LIPE: variants seen among roughly 807,000 people sequenced by gnomAD.
LIPE encodes lipase E, hormone sensitive type, also known as hormone-sensitive lipase.
LIPE carries 66 observed loss-of-function variants against 88.5 expected under a neutral mutation model. The ratio of observed to expected loss-of-function variants is 0.75; its 90% CI spans 0.61 to 0.91. The LOEUF is 0.91. LIPE is among the 40% of genes least tolerant of loss of function. LIPE has a pLI of 0.00. For synonymous variants in LIPE, 570 were observed against 617.5 expected (o/e 0.92, Z 1.14); for missense variants, 1,346 against 1,434.7 (o/e 0.94, Z 1.00).
chr19:42,405,957 GTCTGTC>G (rs1268155929), intron 7 of LIPE, 198 bp downstream of exon 7: 1 of 579,972 alleles, frequency 1.7e-6, no homozygotes, highest in East Asian at 2.8e-5. Flanking sequence ...CCTTGTGTCT[GTCTGTC>G]TCTCTCTCTC....
intron 1 of LIPE, chr19:42,424,817 C>T (rs1200298292): frequency 5.6e-6 from 2 of 355,430 alleles, no homozygotes; most frequent in Non-Finnish European, 5.6e-6. Flanking sequence ...GGTTTTGAGC[C>T]TAGAGAAGGA....
Position 42,408,235 on chromosome 19 carries a change from G to GGCC in LIPE, c.1504_1506dup (p.Gly502dup), listed in dbSNP as rs1407794080. 1 of 1,613,938 alleles carries GGCC rather than the reference G, an allele frequency of 6.2e-7. No homozygotes were observed. The highest frequency in any genetic ancestry group is 8.5e-7 in the Non-Finnish European group (1 of 1,179,970). On this transcript the variant is annotated inframe_insertion, in exon 3 of 10. Transcript: ENST00000244289. The surrounding 1 kb of genome is among the most constrained non-coding windows in gnomAD (Gnocchi z 4.3). The stretch of plus-strand genomic sequence containing the variant: ...GTAGAACCTGGCTGGGACTCACTGA[G>GGCC]GCCTGTCTCGTTGCGTTTGTAGTGC...
intron 1 of LIPE, among the ~76,000 whole-genome samples, chr19:42,425,972 T>C (rs976432067): frequency 6.6e-6 from 1 of 152,038 alleles, no homozygotes; most frequent in Admixed American, 6.6e-5. Context: ...TGGCTAATTT[T>C]TGTATTTTTA....
At position 42,402,709 on chromosome 19, in the gene LIPE, T is replaced by C. The variant is rs1435052461; in HGVS notation, c.2865A>G (p.Thr955=). Residue 955 remains threonine, a synonymous_variant, in exon 9 of 10, where the codon ACA becomes ACG. Transcript: ENST00000244289. ...TGGGTGAGGAGTAGAGGGGCATCTG[T>C]GTGGCACCCTGGCTGGAGCGTCGGG... ...FHPRRSSQGA[T]QMPLYSSPIV... 3 of 1,545,116 alleles carry C rather than the reference T, an allele frequency of 1.9e-6. No individual in the cohort carries two copies. The highest frequency in any genetic ancestry group is 2.6e-6 in the Non-Finnish European group (3 of 1,141,686).
In LIPE at chr19:42,410,671, A is replaced by G. The variant is rs1373903557; in HGVS notation, c.1055T>C (p.Leu352Pro). 6.2e-7 allele frequency: 1 copy of G among 1,612,028 alleles called. No homozygotes were observed. The highest frequency in any genetic ancestry group is 8.5e-7 in the Non-Finnish European group (1 of 1,178,700). The change falls in exon 2 of 10, where the codon CTG becomes CCG. Residue 352 changes from leucine (L) to proline (P), a missense_variant. Leu to Pro is a moderately conservative substitution (Grantham distance 98). Transcript: ENST00000244289. The surrounding 1 kb of genome is among the most constrained non-coding windows in gnomAD (Gnocchi z 6.1). Reference protein sequence around the residue: ...REQALGLEPALGRLLGVAHLF... With the variant: ...REQALGLEPAPGRLLGVAHLF... ...GTGCGCCACACCCAGCAGGCGGCCC[A>G]GGGCCGGCTCCAGCCCCAGCGCCTG...
intron 1 of LIPE, chr19:42,412,138 C>T (rs920754769): frequency 8.5e-6 from 3 of 352,532 alleles, no homozygotes; most frequent in Non-Finnish European, 1.2e-5. Flanking sequence ...AGTGATCTTT[C>T]CTCTGATATC....
rs1039441720 is a variant in LIPE, at chr19:42,406,924, G to A, written c.2137+250C>T. ...GGGCCTGGAGCTATCAGAGGGGGAC[G>A]ACAGAGGCCCAGGGAGACAGGACGG... On this transcript the variant is annotated intron_variant, in intron 6 of 9. Transcript: ENST00000244289. The surrounding 1 kb of genome is among the most constrained non-coding windows in gnomAD (Gnocchi z 5.7). Among the ~76,000 whole-genome samples, 3 of 152,056 alleles carry A rather than the reference G, an allele frequency of 2.0e-5. No homozygotes were observed. Among genetic ancestry groups the A allele is most frequent in the Non-Finnish European group, 1.5e-5 (1 of 67,988 alleles).
chr19:42,406,086 C>T lies in LIPE; in HGVS notation c.2365+75G>A. 1.5e-6 allele frequency: 2 copies of T among 1,342,786 alleles called. No individual in the cohort carries two copies. The highest frequency in any genetic ancestry group is 1.0e-6 in the Non-Finnish European group (1 of 964,422). The allele number at this position is 1,342,786 out of a possible 1,614,324, so 83.2% of individuals were successfully genotyped here. A position where few individuals can be genotyped will look rare whatever the true frequency, so the allele number is the denominator to read the frequency against. On this transcript the variant is annotated intron_variant, in intron 7 of 9. Transcript: ENST00000244289. The surrounding 1 kb of genome is among the most constrained non-coding windows in gnomAD (Gnocchi z 5.7). ...CTCTCCTTCCTCAGTCACAGGAGTC[C>T]TGGTCCCCAGCCCGTCCCTGCAGGA...
At position 42,423,445 on chromosome 19, in the gene LIPE, C is replaced by T. The variant is rs1338812731; in HGVS notation, c.883+2822G>A. The T allele has an allele frequency of 6.2e-6, 8 of 1,289,386 alleles. No homozygotes were observed. The Admixed American group carries it at 1.6e-4, about 26-fold the overall frequency. The allele number at this position is 1,289,386 out of a possible 1,614,324, so 79.9% of individuals were successfully genotyped here. On this transcript the variant is annotated intron_variant, in intron 1 of 9. Transcript: ENST00000244289. ...TTTGGCCTTGTCTTTTCGCCACCGCCGGCGACCGTGGCTCCTTGAGCCCTC... is the reference window on the plus strand; with the variant it reads ...TTTGGCCTTGTCTTTTCGCCACCGCTGGCGACCGTGGCTCCTTGAGCCCTC...
Position 42,401,842 on chromosome 19 carries a change from C to T in LIPE, c.3201G>A (p.Gly1067=), listed in dbSNP as rs188554466. ...GTCGCCCCCCGCAGCCCCCGTCTAC[C>T]CCCGCAGCCCCCGTCTCCCCGCTCG... ...AGPSGETGAA[G]VDGGCGGRH The change falls in exon 10 of 10, where the codon GGG becomes GGA. Residue 1067 remains glycine, a synonymous_variant. Coordinates refer to ENST00000244289, the MANE Select transcript of LIPE (RefSeq NM_005357.4). 1.5e-4 allele frequency: 228 copies of T among 1,511,176 alleles called. No individual in the cohort carries two copies. The African/African-American group carries it at 2.9e-3, about 19-fold the overall frequency. 93.6% of individuals were successfully genotyped at this position (1,511,176 alleles called of 1,614,324 possible).
rs752833621 is a variant in LIPE, at chr19:42,407,074, G to C, written c.2137+100C>G. On this transcript the variant is annotated intron_variant, in intron 6 of 9. Coordinates refer to ENST00000244289, the MANE Select transcript of LIPE (RefSeq NM_005357.4). This position sits in a 1 kb window ranked among gnomAD's most constrained non-coding sequence, Gnocchi z 5.8. ...GAGCAGGAGCTGGGAGGTGTGGGGG[G>C]AGAGAAAGGTAGAGGGTGTGAGGCT... 4.8e-6 allele frequency: 5 copies of C among 1,033,636 alleles called. No homozygotes were observed. Among genetic ancestry groups the C allele is most frequent in the Non-Finnish European group, 6.8e-6 (5 of 740,496 alleles). The allele number at this position is 1,033,636 out of a possible 1,614,324, so 64.0% of individuals were successfully genotyped here. A position where few individuals can be genotyped will look rare whatever the true frequency, so the allele number is the denominator to read the frequency against.
rs149927060 is a variant in LIPE at position 42,426,599 on chromosome 19, G to T, written c.551C>A (p.Ser184Ter). ...CTGGACTGGCGTTGTTTGCTTGTCT[G>T]ACTGTTCAGGTGTCTCTTGGGACGT... Reference protein sequence around the residue: ...ESTSQETPEQSDKQTTPVQGA... With the variant: ...ESTSQETPEQ Residue 184 changes from serine to a stop codon, truncating the protein, a stop_gained, in exon 1 of 10, where the codon TCA becomes TAA. Transcript: ENST00000244289. LOFTEE classifies it high-confidence loss of function. 301 of 1,614,230 alleles carry T rather than the reference G, an allele frequency of 1.9e-4. No homozygotes were observed. In the African/African-American group the frequency reaches 3.0e-3, roughly 16 times the overall value.
rs561100419 is a variant in LIPE, at chr19:42,414,960, G to A, written c.884-4118C>T. ...GACATACAATATTGAGGCCGGGCACGGTGGCTAATGCCTGTAATCCCAGCA... is the reference window on the plus strand; with the variant it reads ...GACATACAATATTGAGGCCGGGCACAGTGGCTAATGCCTGTAATCCCAGCA... On this transcript the variant is annotated intron_variant, in intron 1 of 9. Coordinates refer to ENST00000244289, the MANE Select transcript of LIPE (RefSeq NM_005357.4). This position sits in a 1 kb window ranked among gnomAD's most constrained non-coding sequence, Gnocchi z 4.6. Among the ~76,000 whole-genome samples, 4 of 152,172 alleles carry A rather than the reference G, an allele frequency of 2.6e-5. No individual in the cohort carries two copies. Among genetic ancestry groups the A allele is most frequent in the African/African-American group, 9.7e-5 (4 of 41,428 alleles).
rs778437861 is a variant in LIPE, at chr19:42,401,993, C to T, written c.3050G>A (p.Arg1017His). Reference protein sequence around the residue: ...LRNLGQPVTLRVVEDLPHGFL... With the variant: ...LRNLGQPVTLHVVEDLPHGFL... ...GCCGTGCGGCAGGTCCTCCACCACG[C>T]GCAGCGTCACCGGCTGGCCCAGGTT... The change falls in exon 10 of 10, where the codon CGC becomes CAC. Residue 1017 changes from arginine to histidine, a missense_variant. By Grantham distance (29) the Arg-to-His change is conservative (BLOSUM62 0). Transcript: ENST00000244289. 4 of 1,554,194 alleles carry T rather than the reference C, an allele frequency of 2.6e-6. No individual in the cohort carries two copies. The highest frequency in any genetic ancestry group is 2.7e-5 in the African/African-American group (2 of 72,848).
Position 42,407,423 on chromosome 19 carries a change from T to G in LIPE, c.1888A>C (p.Ser630Arg). 6.2e-7 allele frequency: 1 copy of G among 1,613,516 alleles called. No homozygotes were observed. The highest frequency in any genetic ancestry group is 8.5e-7 in the Non-Finnish European group (1 of 1,179,734). ...TGGGGGCGCGGCCACAGCTCCAGGC[T>G]CCGTTGGCCGTTGGACTTTATCAGG... is the stretch of plus-strand genomic sequence containing the variant. ...SSLIKSNGQR[S>R]LELWPRPQQA... Residue 630 changes from serine (S) to arginine (R), a missense_variant, in exon 6 of 10, where the codon AGC (serine) becomes CGC (arginine). Transcript: ENST00000244289. The surrounding 1 kb of genome is among the most constrained non-coding windows in gnomAD (Gnocchi z 5.8).
chr19:42,427,373 T>A lies in LIPE; in HGVS notation c.-224A>T. ...ATGAACTCTGTGCCTCTTTCTTTGGTGGGAGGATTAGGAATAGGAGGAGGC... is the reference window on the plus strand; with the variant it reads ...ATGAACTCTGTGCCTCTTTCTTTGGAGGGAGGATTAGGAATAGGAGGAGGC... On this transcript the variant is annotated 5_prime_UTR_variant, in exon 1 of 10. Transcript: ENST00000244289. 1 of 713,824 alleles carries A rather than the reference T, an allele frequency of 1.4e-6. No individual in the cohort carries two copies. Among genetic ancestry groups the A allele is most frequent in the Non-Finnish European group, 2.0e-6 (1 of 488,864 alleles). 44.2% of individuals were successfully genotyped at this position (713,824 alleles called of 1,614,324 possible). A position where few individuals can be genotyped will look rare whatever the true frequency, so the allele number is the denominator to read the frequency against.
chr19:42,417,313 G>A (rs2040507883), intron 1 of LIPE, among the ~76,000 whole-genome samples: 1 of 152,168 alleles, frequency 6.6e-6, no homozygotes, highest in Non-Finnish European at 1.5e-5. Flanking sequence ...GGGCTGGAGT[G>A]TAGTGGCACG....
chr19:42,422,003 A>G (rs934015907), intron 1 of LIPE, among the ~76,000 whole-genome samples: 1 of 152,216 alleles, frequency 6.6e-6, no homozygotes, highest in African/African-American at 2.4e-5. Context: ...AAGCGTGATT[A>G]TTATGATCTC....
At chr19:42,420,256 G>T (rs755070624) in intron 1 of LIPE, among the ~76,000 whole-genome samples, 4 of 152,084 alleles carry the variant, frequency 2.6e-5, no homozygotes, top group Non-Finnish European at 4.4e-5. Flanking sequence ...CTCTGTCTGT[G>T]CTTCAAAGTA....
Sources: gnomAD v4.1 joint callset for allele counts (sites outside exome capture counted in the v4.1 genomes callset) on GRCh38, gnomAD v4.1.1 for gene constraint, Gnocchi (gnomAD v3.1) non-coding constraint, MANE v1.5 for transcripts, NCBI Gene and HGNC (gene_info 2026-07-23, HGNC 2026-07-21) for gene names.